MINDY4B: variants seen among roughly 807,000 people sequenced by gnomAD.
MINDY4B encodes the protein inactive ubiquitin carboxyl-terminal hydrolase MINDY-4B.
A neutral mutation model predicts 16.7 loss-of-function variants in MINDY4B; 25 were observed. The observed-to-expected ratio is 1.49, with a 90% confidence interval of 1.09 to 2.09. MINDY4B has a LOEUF of 2.09. Among genes scored for constraint, MINDY4B ranks in the 30% most tolerant of loss-of-function variants. MINDY4B has a pLI of 0.00. For synonymous variants in MINDY4B, 132 were observed against 61.9 expected (o/e 2.13, Z -5.32); for missense variants, 327 against 168.4 (o/e 1.94, Z -5.21).
At position 150,900,743 on chromosome 3, in the gene MINDY4B, A is replaced by G. The variant is rs187904494; in HGVS notation, c.309+2506T>C. Among the ~76,000 whole-genome samples, 382 of 152,304 alleles carry G rather than the reference A, an allele frequency of 2.5e-3. 2 individuals carry two copies. Among genetic ancestry groups the G allele is most frequent in the Non-Finnish European group, 3.9e-3 (264 of 68,018 alleles). ...TCCTAGCTTTTTCCAAAGGGAGAAC[A>G]TTACCTTGGCATAGTCATGGGGCGG... On this transcript the variant is annotated intron_variant, in intron 3 of 11. Transcript: ENST00000465419.
chr3:150,900,067 G>A (rs1367396068), intron 3 of MINDY4B, among the ~76,000 whole-genome samples: 2 of 152,216 alleles, frequency 1.3e-5, no homozygotes, highest in Non-Finnish European at 2.9e-5. Context: ...CTGGAGAGAA[G>A]GAAGGTCATT....
intron 5 of MINDY4B, 43 bp from the exon 6 acceptor site, chr3:150,891,146 A>G (rs1439007021): frequency 2.9e-6 from 2 of 680,004 alleles, no homozygotes; most frequent in Admixed American, 2.0e-5. Flanking sequence ...TGGAATGAAC[A>G]TCACCTAGCC....
intron 3 of MINDY4B, among the ~76,000 whole-genome samples, chr3:150,897,470 CAA>C (rs1220841331): frequency 3.9e-5 from 6 of 152,016 alleles, no homozygotes; most frequent in Non-Finnish European, 8.8e-5. Flanking sequence ...TGCAGCCAGT[CAA>C]AGAGTGTGGA....
At chr3:150,879,326 A>G (rs1711503158) in intron 10 of MINDY4B, among the ~76,000 whole-genome samples, 1 of 152,040 alleles carries the variant, frequency 6.6e-6, no homozygotes, top group Non-Finnish European at 1.5e-5. Flanking sequence ...AGACATTTTT[A>G]TTGCCACACT....
intron 10 of MINDY4B, among the ~76,000 whole-genome samples, chr3:150,877,473 G>C (rs2107896382): frequency 6.6e-6 from 1 of 152,260 alleles, no homozygotes; most frequent in Middle Eastern, 3.4e-3. Flanking sequence ...TCTTTCTTGA[G>C]TAAACTTCTG....
rs768815303 is a variant in MINDY4B at position 150,890,928 on chromosome 3, C to T, written c.687+10G>A. 2.8e-6 allele frequency: 2 copies of T among 701,824 alleles called. No homozygotes were observed. Among genetic ancestry groups the T allele is most frequent in the South Asian group, 3.0e-5 (2 of 67,554 alleles). The allele number at this position is 701,824 out of a possible 1,614,324, so 43.5% of individuals were successfully genotyped here. On this transcript the variant is annotated intron_variant, in intron 6 of 11. Transcript: ENST00000465419. ...CTTTCATCTGCCAGGACAGGGAGAA[C>T]TGCACTTACTCGCTCAGTGAAATTG...
Position 150,898,077 on chromosome 3 carries a change from G to T in MINDY4B, c.310-3772C>A, listed in dbSNP as rs922198268. 2.6e-5 allele frequency among the ~76,000 whole-genome samples: 4 copies of T among 152,334 alleles called. No individual in the cohort carries two copies. In the South Asian group the frequency reaches 8.3e-4, roughly 32 times the overall value. On this transcript the variant is annotated intron_variant, in intron 3 of 11. Coordinates refer to ENST00000465419, the MANE Select transcript of MINDY4B (RefSeq NM_001351281.2). ...CTTATCCAGAAATGGGGTAACCCCT[G>T]CTTGGTCCACATCCTGGCTATTGTT...
At chr3:150,873,818 A>G (rs1717024701) in intron 10 of MINDY4B, among the ~76,000 whole-genome samples, 1 of 152,072 alleles carries the variant, frequency 6.6e-6, no homozygotes. Flanking sequence ...AACATCAACT[A>G]TTTAGAATAT....
intron 10 of MINDY4B, among the ~76,000 whole-genome samples, chr3:150,882,043 G>A (rs917094580): frequency 3.3e-5 from 5 of 152,200 alleles, no homozygotes; most frequent in African/African-American, 1.2e-4. Context: ...TGGCATTTGG[G>A]AGAGGTGGTT....
chr3:150,872,304 A>G (rs1375535306), intron 11 of MINDY4B, among the ~76,000 whole-genome samples: 1 of 152,252 alleles, frequency 6.6e-6, no homozygotes, highest in Non-Finnish European at 1.5e-5. Flanking sequence ...TCATAATTAA[A>G]GAAAAAGAAT....
chr3:150,901,763 C>T (rs1206445104), intron 3 of MINDY4B, among the ~76,000 whole-genome samples: 3 of 151,998 alleles, frequency 2.0e-5, no homozygotes, highest in Admixed American at 6.6e-5. Context: ...TGAAGCAATC[C>T]CCCTGCCTCA....
intron 5 of MINDY4B, among the ~76,000 whole-genome samples, chr3:150,891,880 T>C (rs1027933393): frequency 1.3e-5 from 2 of 151,802 alleles, no homozygotes; most frequent in Admixed American, 1.3e-4. Flanking sequence ...ACCTTGTGAC[T>C]GGGGGGCTCA....
intron 10 of MINDY4B, among the ~76,000 whole-genome samples, chr3:150,882,510 T>C (rs556669039): frequency 3.0e-4 from 46 of 151,372 alleles, no homozygotes; most frequent in African/African-American, 8.7e-4. Flanking sequence ...TGTGAAGGGG[T>C]ATGTAGCCGC....
chr3:150,890,872 T>C, intron 6 of MINDY4B, 66 bp downstream of exon 6: 1 of 680,954 alleles, frequency 1.5e-6, no homozygotes, highest in Non-Finnish European at 2.7e-6. Flanking sequence ...ATACACATGG[T>C]AAGTCTATTA....
At position 150,893,357 on chromosome 3, in the gene MINDY4B, A is replaced by G. The variant is rs1032996905; in HGVS notation, c.488T>C (p.Phe163Ser). ...VQGSIIKYLL[F>S]TRKGKDCNLG... The stretch of plus-strand genomic sequence containing the variant: ...GTTACAGTCTTTTCCTTTCCTGGTA[A>G]ACAACAAGTATTTGATGATGGATCC... Residue 163 changes from phenylalanine to serine, a missense_variant, in exon 5 of 12, where the codon TTT becomes TCT. Transcript: ENST00000465419. 1.7e-5 allele frequency: 12 copies of G among 702,654 alleles called. No homozygotes were observed. Among genetic ancestry groups the G allele is most frequent in the Admixed American group, 1.0e-4 (5 of 49,986 alleles). 43.5% of individuals were successfully genotyped at this position (702,654 alleles called of 1,614,324 possible). A position where few individuals can be genotyped will look rare whatever the true frequency, so the allele number is the denominator to read the frequency against.
rs1711873303 is a variant in MINDY4B, at chr3:150,893,524, G to A, written c.430-109C>T. 3.7e-5 allele frequency: 25 copies of A among 682,518 alleles called. 1 individual carries two copies. In the South Asian group the frequency reaches 3.8e-4, roughly 10 times the overall value. 42.3% of individuals were successfully genotyped at this position (682,518 alleles called of 1,614,324 possible). On this transcript the variant is annotated intron_variant, in intron 4 of 11. Coordinates refer to ENST00000465419, the MANE Select transcript of MINDY4B (RefSeq NM_001351281.2). ...GGTATCCCCCAGAGCTTTGTGAAGG[G>A]ACACCATGCTATATTTGTGCCACTC...
At chr3:150,889,513 C>T (rs1711711214) in intron 7 of MINDY4B, among the ~76,000 whole-genome samples, 1 of 152,210 alleles carries the variant, frequency 6.6e-6, no homozygotes, top group African/African-American at 2.4e-5. Flanking sequence ...ACCTTAATAT[C>T]CCTTTGCCAT....
intron 5 of MINDY4B, among the ~76,000 whole-genome samples, chr3:150,892,531 C>T (rs990390314): frequency 6.6e-6 from 1 of 152,198 alleles, no homozygotes; most frequent in Non-Finnish European, 1.5e-5. Flanking sequence ...TAATATTTAG[C>T]ACAGGGCTTT....
intron 7 of MINDY4B, among the ~76,000 whole-genome samples, chr3:150,888,913 A>G (rs1711697971): frequency 1.3e-5 from 2 of 152,136 alleles, no homozygotes; most frequent in South Asian, 4.1e-4. Flanking sequence ...CCCAGATTTG[A>G]GTTGAGATGG....
Sources: allele counts gnomAD v4.1 joint callset (sites outside exome capture counted in the v4.1 genomes callset), GRCh38; gene constraint gnomAD v4.1.1; transcripts MANE v1.5; gene names NCBI Gene and HGNC (gene_info 2026-07-23, HGNC 2026-07-21).